Variants in POU6F2 observed in about 807,000 individuals in gnomAD.
POU6F2 encodes the protein POU domain, class 6, transcription factor 2.
A neutral mutation model predicts 71.3 loss-of-function variants in POU6F2; 31 were observed. The observed-to-expected ratio is 0.43, with a 90% confidence interval of 0.33 to 0.59. The LOEUF is 0.59. Ranked by LOEUF, POU6F2 falls within the 20% of genes least tolerant of loss-of-function variation. POU6F2 has a pLI of 0.04. For synonymous variants in POU6F2, 347 were observed against 355.7 expected (o/e 0.98, Z 0.27); for missense variants, 783 against 856.8 (o/e 0.91, Z 1.07).
intron 1 of POU6F2, among the ~76,000 whole-genome samples, chr7:38,980,310 A>G (rs1274842244): frequency 6.6e-6 from 1 of 152,196 alleles, no homozygotes. Flanking sequence ...CTGATTTTTT[A>G]TTTGAAATTG....
intron 1 of POU6F2, among the ~76,000 whole-genome samples, chr7:39,063,773 GAA>G (rs148306887): frequency 1.3e-5 from 2 of 151,178 alleles, no homozygotes; most frequent in Non-Finnish European, 1.5e-5. Flanking sequence ...ATGAAGCAAG[GAA>G]AAAAAATATT....
At chr7:39,210,599 A>G (rs925726144) in intron 4 of POU6F2, among the ~76,000 whole-genome samples, 2 of 152,132 alleles carry the variant, frequency 1.3e-5, no homozygotes, top group Non-Finnish European at 2.9e-5. Context: ...CACTCATGAC[A>G]TGCTGTTACA....
rs1467906160 is a variant in POU6F2 at position 39,468,294 on chromosome 7, A to G, written c.*3608A>G. 3 of 151,804 alleles carry G rather than the reference A, an allele frequency of 2.0e-5. No homozygotes were observed. The highest frequency in any genetic ancestry group is 4.4e-5 in the Non-Finnish European group (3 of 67,992). The allele number at this position is 151,804 out of a possible 1,614,324, so 9.4% of individuals were successfully genotyped here. A position where few individuals can be genotyped will look rare whatever the true frequency, so the allele number is the denominator to read the frequency against. ...CTGCTTCTCCGTGCCCGGAGCAGGC[A>G]GCAGGAGGGAGGGCAGGAAACAGGA... On this transcript the variant is annotated 3_prime_UTR_variant, in exon 10 of 10. Transcript: ENST00000518318.
chr7:39,062,376 C>T (rs181067029), intron 1 of POU6F2, among the ~76,000 whole-genome samples: 11 of 151,936 alleles, frequency 7.2e-5, no homozygotes, highest in Admixed American at 4.6e-4. Flanking sequence ...ATATGATACT[C>T]ATGGGGTATC....
At chr7:39,152,648 G>A (rs909368590) in intron 2 of POU6F2, among the ~76,000 whole-genome samples, 8 of 151,952 alleles carry the variant, frequency 5.3e-5, no homozygotes, top group African/African-American at 1.9e-4. Flanking sequence ...CCCCTGACTC[G>A]GCATCCAGCT....
chr7:39,148,569 G>GTGA (rs974956341), intron 2 of POU6F2, among the ~76,000 whole-genome samples: 2 of 151,954 alleles, frequency 1.3e-5, no homozygotes, highest in Non-Finnish European at 2.9e-5. Flanking sequence ...GATAATGATG[G>GTGA]TGATGATGAT....
chr7:39,429,760 A>G (rs1562549382), intron 6 of POU6F2, among the ~76,000 whole-genome samples: 1 of 152,194 alleles, frequency 6.6e-6, no homozygotes. Flanking sequence ...GGGAAGTCAA[A>G]CTCCAAAAGC....
chr7:38,993,611 AACACACACACACACACAC>A lies in POU6F2; in HGVS notation c.105+15573_105+15590del, dbSNP rs10553247. On this transcript the variant is annotated intron_variant, in intron 1 of 9. Transcript: ENST00000518318. The stretch of plus-strand genomic sequence containing the variant: ...CTGATATTTGAATTGCAGGATTTTA[AACACACACACACACACAC>A]ACACACACACACACACACATCAGTG... Among the ~76,000 whole-genome samples the A allele has an allele frequency of 6.1e-5, 8 of 130,606 alleles. No individual in the cohort carries two copies. In the South Asian group the frequency reaches 2.0e-3, roughly 32 times the overall value. The allele number at this position is 130,606 out of a possible 152,430, so 85.7% of individuals were successfully genotyped here.
chr7:39,158,519 A>T (rs1353584935), intron 2 of POU6F2, among the ~76,000 whole-genome samples: 1 of 152,154 alleles, frequency 6.6e-6, no homozygotes, highest in African/African-American at 2.4e-5. Flanking sequence ...AAGCGGGATA[A>T]CCAGGAAGGT....
In POU6F2 at chr7:39,010,471, C is replaced by T. The variant is rs1036821005; in HGVS notation, c.105+32413C>T. On this transcript the variant is annotated intron_variant, in intron 1 of 9. Coordinates refer to ENST00000518318, the MANE Select transcript of POU6F2 (RefSeq NM_001370959.1). Reference sequence around the variant, plus strand: ...GAATTTTGTTGATCCTTTCAAAAAACCAGCTCCTGGATTCATTAATTTTTT... The same window carrying T: ...GAATTTTGTTGATCCTTTCAAAAAATCAGCTCCTGGATTCATTAATTTTTT... Among the ~76,000 whole-genome samples the T allele has an allele frequency of 2.4e-3, 362 of 151,698 alleles. 2 individuals are homozygous for T. The highest frequency in any genetic ancestry group is 8.1e-3 in the African/African-American group (336 of 41,378).
At chr7:39,418,895 ATGTG>A (rs202230919) in intron 6 of POU6F2, among the ~76,000 whole-genome samples, 1 of 146,186 alleles carries the variant, frequency 6.8e-6, no homozygotes, top group Non-Finnish European at 1.5e-5. Context: ...TGCTCTCTTC[ATGTG>A]TGTGTGTGTG....
intron 1 of POU6F2, among the ~76,000 whole-genome samples, chr7:39,002,700 T>G (rs1213174978): frequency 6.6e-6 from 1 of 152,236 alleles, no homozygotes; most frequent in Non-Finnish European, 1.5e-5. Flanking sequence ...AATAAACTGA[T>G]TACTGACTTA....
intron 1 of POU6F2, among the ~76,000 whole-genome samples, chr7:39,066,241 A>C (rs1264913326): frequency 1.3e-5 from 2 of 151,814 alleles, no homozygotes. Flanking sequence ...TGACAAAGCT[A>C]ATCTCTCTTA....
rs1277698216 is a variant in POU6F2 at position 39,460,964 on chromosome 7, C to CACT, written c.1658+252_1658+254dup. The stretch of plus-strand genomic sequence containing the variant: ...TTCCAAGGCAGTCTCATTGGAAATA[C>CACT]ACTACCCCAGGGTCAGGGGCCTTCC... On this transcript the variant is annotated intron_variant, in intron 9 of 9. Coordinates refer to ENST00000518318, the MANE Select transcript of POU6F2 (RefSeq NM_001370959.1). This position sits in a 1 kb window ranked among gnomAD's most constrained non-coding sequence, Gnocchi z 4.4. 2.6e-5 allele frequency among the ~76,000 whole-genome samples: 4 copies of CACT among 152,158 alleles called. No individual in the cohort carries two copies. The highest frequency in any genetic ancestry group is 9.7e-5 in the African/African-American group (4 of 41,446).
In POU6F2 at chr7:39,349,726, T is replaced by A. The variant is rs533114730; in HGVS notation, c.972+9711T>A. On this transcript the variant is annotated intron_variant, in intron 5 of 9. Transcript: ENST00000518318. ...GGCTCCTATCCTGCTCTTTTTCTAT[T>A]TCCTGTTTTTAAAAATAGACTCTCA... Among the ~76,000 whole-genome samples, 5 of 152,310 alleles carry A rather than the reference T, an allele frequency of 3.3e-5. No individual in the cohort carries two copies. The South Asian group carries it at 8.3e-4, about 25-fold the overall frequency.
At chr7:39,077,648 A>G (rs1434026550) in intron 1 of POU6F2, among the ~76,000 whole-genome samples, 1 of 152,216 alleles carries the variant, frequency 6.6e-6, no homozygotes, top group South Asian at 2.1e-4. Flanking sequence ...GAGGTTCAAC[A>G]AAAAGACAAG....
intron 2 of POU6F2, among the ~76,000 whole-genome samples, chr7:39,191,413 C>T (rs769733689): frequency 6.6e-6 from 1 of 152,022 alleles, no homozygotes; most frequent in African/African-American, 2.4e-5. Flanking sequence ...TCAATTCTGA[C>T]CCTAAAGTTC....
intron 4 of POU6F2, among the ~76,000 whole-genome samples, chr7:39,299,598 T>G (rs552695095): frequency 2.1e-4 from 32 of 152,252 alleles, no homozygotes; most frequent in Non-Finnish European, 4.0e-4. Context: ...GTTTCAAGTT[T>G]GATATGGGCT....
intron 4 of POU6F2, among the ~76,000 whole-genome samples, chr7:39,258,199 C>T (rs1784062943): frequency 6.6e-6 from 1 of 152,172 alleles, no homozygotes; most frequent in Non-Finnish European, 1.5e-5. Context: ...ACAACAGAAA[C>T]AGTAGTTACA....
Sources: allele counts gnomAD v4.1 joint callset (sites outside exome capture counted in the v4.1 genomes callset), GRCh38; gene constraint gnomAD v4.1.1; non-coding constraint Gnocchi (gnomAD v3.1); transcripts MANE v1.5; gene names NCBI Gene and HGNC (gene_info 2026-07-23, HGNC 2026-07-21).